Variants in MALRD1 observed in about 807,000 individuals in gnomAD.
The protein encoded by MALRD1 is MAM and LDL-receptor class A domain-containing protein 1.
In MALRD1, 247 loss-of-function variants were observed where a neutral mutation model predicts 242.1. The observed-to-expected ratio is 1.02, with a 90% CI of 0.92 to 1.13. The LOEUF is 1.13. MALRD1 is among the 50% of genes most tolerant of loss of function. MALRD1 has a pLI of 0.00. For synonymous variants in MALRD1, 995 were observed against 866.6 expected, an observed-to-expected ratio of 1.15 and a Z score of -2.60; for missense variants, 2,989 against 2,533.1, an observed-to-expected ratio of 1.18 and a Z score of -3.86.
chr10:19,246,023 T>C (rs6481814), intron 18 of MALRD1, among the ~76,000 whole-genome samples: 63,032 of 151,884 alleles, frequency 0.42, 13,493 homozygotes, highest in Admixed American at 0.55. Context: ...GATGATGTGT[T>C]AAACAGTTAA....
chr10:19,397,457 TAGACC>T (rs1846633450), intron 28 of MALRD1, among the ~76,000 whole-genome samples: 1 of 152,186 alleles, frequency 6.6e-6, no homozygotes, highest in Admixed American at 6.5e-5. Context: ...ATTGTGTATA[TAGACC>T]CCATTTTCTT....
chr10:19,123,178 A>T (rs183399727), intron 5 of MALRD1, among the ~76,000 whole-genome samples: 3 of 152,216 alleles, frequency 2.0e-5, no homozygotes, highest in East Asian at 1.9e-4. Context: ...CATTAGGGCA[A>T]TTTTTTTACT....
chr10:19,265,929 A>G (rs914175917), intron 19 of MALRD1, among the ~76,000 whole-genome samples: 3 of 151,730 alleles, frequency 2.0e-5, no homozygotes, highest in Non-Finnish European at 2.9e-5. Context: ...TATAATTATT[A>G]TATTCTCTTG....
At chr10:19,619,499 C>T (rs1424244116) in intron 36 of MALRD1, among the ~76,000 whole-genome samples, 1 of 151,888 alleles carries the variant, frequency 6.6e-6, no homozygotes, top group Non-Finnish European at 1.5e-5. Flanking sequence ...AAGGATACCT[C>T]CAACAATTAT....
chr10:19,425,163 A>C (rs1427985063), intron 28 of MALRD1, among the ~76,000 whole-genome samples: 1 of 152,162 alleles, frequency 6.6e-6, no homozygotes, highest in African/African-American at 2.4e-5. Context: ...TCTGCCCTTT[A>C]GCAGCTATTA....
chr10:19,358,350 C>G (rs921401848), intron 26 of MALRD1, among the ~76,000 whole-genome samples: 1 of 151,984 alleles, frequency 6.6e-6, no homozygotes, highest in African/African-American at 2.4e-5. Flanking sequence ...GACTGAATAG[C>G]TCATCTTTCA....
intron 32 of MALRD1, among the ~76,000 whole-genome samples, chr10:19,533,512 G>T (rs1243347559): frequency 2.0e-5 from 3 of 152,154 alleles, no homozygotes; most frequent in Non-Finnish European, 4.4e-5. Context: ...AAGGAAATGG[G>T]TTTAATTGGC....
chr10:19,224,622 C>G (rs1837708171), intron 18 of MALRD1, among the ~76,000 whole-genome samples: 1 of 152,082 alleles, frequency 6.6e-6, no homozygotes, highest in Admixed American at 6.6e-5. Flanking sequence ...TGTTTATTGG[C>G]CGCATAAATG....
In MALRD1 at chr10:19,086,443, C is replaced by T. The variant is rs891401691; in HGVS notation, c.341-1397C>T. ...ATGGTTCTCAGATTATATGCTAGAA[C>T]TCACAATAAAGCATCACAGGAAATC... On this transcript the variant is annotated intron_variant, in intron 2 of 39. Coordinates refer to ENST00000454679, the MANE Select transcript of MALRD1 (RefSeq NM_001142308.3). Among the ~76,000 whole-genome samples the T allele has an allele frequency of 3.9e-5, 6 of 152,010 alleles. No homozygotes were observed. In the East Asian group the frequency reaches 7.7e-4, roughly 20 times the overall value.
At chr10:19,703,945 A>T (rs1833737631) in intron 38 of MALRD1, among the ~76,000 whole-genome samples, 1 of 152,164 alleles carries the variant, frequency 6.6e-6, no homozygotes, top group African/African-American at 2.4e-5. Flanking sequence ...GGGTAAAAAT[A>T]AACAGTAAGC....
At chr10:19,730,214 G>C (rs1362646378) in intron 38 of MALRD1, among the ~76,000 whole-genome samples, 4 of 152,084 alleles carry the variant, frequency 2.6e-5, no homozygotes, top group African/African-American at 9.7e-5. Flanking sequence ...ATTTAAATTT[G>C]CTGATTAAAA....
intron 26 of MALRD1, among the ~76,000 whole-genome samples, chr10:19,364,898 A>G (rs1019604669): frequency 6.6e-6 from 1 of 152,078 alleles, no homozygotes; most frequent in Admixed American, 6.6e-5. Context: ...CACATAAGCC[A>G]TTTCTTTGAT....
At chr10:19,391,224 G>GCACA (rs961809232) in intron 28 of MALRD1, among the ~76,000 whole-genome samples, 1 of 152,006 alleles carries the variant, frequency 6.6e-6, no homozygotes, top group South Asian at 2.1e-4. Flanking sequence ...TTCCTACTGT[G>GCACA]CACACACACA....
chr10:19,491,688 A>C, intron 30 of MALRD1, 43 bp downstream of exon 30: 1 of 1,531,480 alleles, frequency 6.5e-7, no homozygotes, highest in Non-Finnish European at 8.8e-7. Flanking sequence ...TTCAGCAGAT[A>C]TTTTCCTTCA....
In MALRD1 at chr10:19,602,028, AAAAT is replaced by A. The variant is rs1005923723; in HGVS notation, c.5945-5741_5945-5738del. 2.6e-5 allele frequency among the ~76,000 whole-genome samples: 4 copies of A among 152,042 alleles called. No homozygotes were observed. The East Asian group carries it at 7.8e-4, about 30-fold the overall frequency. ...ACATATTTTTGTGTGCATACAAAAT[AAAAT>A]AAATAAAACAGGCATACCTTGTTTT... On this transcript the variant is annotated intron_variant, in intron 34 of 39. Coordinates refer to ENST00000454679, the MANE Select transcript of MALRD1 (RefSeq NM_001142308.3).
At chr10:19,355,308 A>G (rs1844570284) in intron 26 of MALRD1, among the ~76,000 whole-genome samples, 1 of 152,148 alleles carries the variant, frequency 6.6e-6, no homozygotes, top group African/African-American at 2.4e-5. Flanking sequence ...TTTTCTCAAA[A>G]TGAACCTACA....
chr10:19,303,899 T>C (rs904975699), intron 21 of MALRD1, among the ~76,000 whole-genome samples: 31 of 151,678 alleles, frequency 2.0e-4, no homozygotes, highest in Admixed American at 1.8e-3. Flanking sequence ...TACTTAAAAG[T>C]CCAGTACCAA....
At chr10:19,297,367 T>A (rs1841754525) in intron 21 of MALRD1, among the ~76,000 whole-genome samples, 2 of 151,920 alleles carry the variant, frequency 1.3e-5, no homozygotes, top group Admixed American at 1.3e-4. Flanking sequence ...ATCATAAGAT[T>A]AAAAGAGGGA....
At chr10:19,507,396 T>A (rs1833193123) in intron 31 of MALRD1, among the ~76,000 whole-genome samples, 1 of 152,104 alleles carries the variant, frequency 6.6e-6, no homozygotes, top group Admixed American at 6.6e-5. Flanking sequence ...CCACAAAGTA[T>A]GAACGTGATC....
Sources: allele counts gnomAD v4.1 joint callset (sites outside exome capture counted in the v4.1 genomes callset), GRCh38; gene constraint gnomAD v4.1.1; transcripts MANE v1.5; gene names NCBI Gene and HGNC (gene_info 2026-07-23, HGNC 2026-07-21).